The following EPHB2 variants were observed in gnomAD, a reference collection of about 807,000 sequenced individuals.
The protein encoded by EPHB2 is ephrin type-B receptor 2.
Under a neutral mutation model 96.4 loss-of-function variants are expected in EPHB2, and 18 were observed. The observed-to-expected ratio is 0.19, with a 90% CI of 0.13 to 0.28. The LOEUF (loss-of-function observed/expected upper bound fraction) is 0.28, where lower values mean the gene tolerates loss of function less well. Among genes scored for constraint, EPHB2 ranks in the 10% least tolerant of loss-of-function variants. The probability of loss-of-function intolerance (pLI) is 1.00; values close to 1 mark genes in which losing one functional copy is unlikely to be tolerated. For missense variants in EPHB2, 989 were observed against 1,355.4 expected, an observed-to-expected ratio of 0.73 and a Z score of 4.25; for synonymous variants, 506 against 534.1, an observed-to-expected ratio of 0.95 and a Z score of 0.72.
chr1:22,883,975 C>G (rs192792025), intron 6 of EPHB2, among the ~76,000 whole-genome samples: 2 of 151,884 alleles, frequency 1.3e-5, no homozygotes, highest in Admixed American at 6.6e-5. Flanking sequence ...GCCGTCCCCC[C>G]ACCCACCCAC....
chr1:22,864,297 C>T (rs1245141690), intron 4 of EPHB2, among the ~76,000 whole-genome samples: 2 of 152,162 alleles, frequency 1.3e-5, no homozygotes, highest in South Asian at 2.1e-4. Context: ...CCGCCTGCCT[C>T]GGCCTCCCAA....
intron 5 of EPHB2, among the ~76,000 whole-genome samples, chr1:22,880,810 C>T (rs746632583): frequency 6.6e-6 from 1 of 152,238 alleles, no homozygotes; most frequent in Non-Finnish European, 1.5e-5. Context: ...AGAGGTGATG[C>T]TTTCTGGAGG....
intron 1 of EPHB2, among the ~76,000 whole-genome samples, chr1:22,746,753 A>C (rs1375227241): frequency 1.3e-5 from 2 of 152,158 alleles, no homozygotes; most frequent in Non-Finnish European, 2.9e-5. Context: ...TCAGGTCACA[A>C]AGGTGTGAAG....
chr1:22,822,083 C>T (rs1234623770), intron 3 of EPHB2, among the ~76,000 whole-genome samples: 1 of 152,188 alleles, frequency 6.6e-6, no homozygotes, highest in African/African-American at 2.4e-5. Context: ...GTAAGTATCT[C>T]CTTATTGCTA....
At chr1:22,785,123 G>T in intron 3 of EPHB2, 47 bp downstream of exon 3, 1 of 1,608,778 alleles carries the variant, frequency 6.2e-7, no homozygotes, top group Non-Finnish European at 8.5e-7. Context: ...CATAGAACTG[G>T]TCTTGGCTGC....
At chr1:22,759,266 T>A (rs926037818) in intron 1 of EPHB2, among the ~76,000 whole-genome samples, 5 of 152,116 alleles carry the variant, frequency 3.3e-5, no homozygotes, top group Non-Finnish European at 5.9e-5. Context: ...ACCCTAGTTA[T>A]CTCATCTGTA....
intron 5 of EPHB2, among the ~76,000 whole-genome samples, chr1:22,870,312 T>C (rs1434861227): frequency 6.6e-6 from 1 of 152,100 alleles, no homozygotes; most frequent in Non-Finnish European, 1.5e-5. Flanking sequence ...GTCGTGCTCA[T>C]GGCCCCGAGG....
Position 22,858,467 on chromosome 1 carries a change from C to A in EPHB2, c.812-4570C>A, listed in dbSNP as rs1293879831. Among the ~76,000 whole-genome samples the A allele has an allele frequency of 6.6e-6, 1 of 152,186 alleles. No homozygotes were observed. Among genetic ancestry groups the A allele is most frequent in the Non-Finnish European group, 1.5e-5 (1 of 68,028 alleles). On this transcript the variant is annotated intron_variant, in intron 3 of 15. Transcript: ENST00000374630. This position sits in a 1 kb window ranked among gnomAD's most constrained non-coding sequence, Gnocchi z 7.7. Reference sequence around the variant, plus strand: ...TGGCTCTCTCTGTCATTATTCCATGCAGGGATCATCAGCCCCCTTTCCAGA... The same window carrying A: ...TGGCTCTCTCTGTCATTATTCCATGAAGGGATCATCAGCCCCCTTTCCAGA...
At chr1:22,863,248 A>C (rs1453279359) in intron 4 of EPHB2, 56 bp downstream of exon 4, 15 of 1,612,122 alleles carry the variant, frequency 9.3e-6, no homozygotes, top group Non-Finnish European at 1.3e-5. Flanking sequence ...GTCTACCTGC[A>C]GAAAAGCTCA....
chr1:22,732,728 G>A (rs746730166), intron 1 of EPHB2, among the ~76,000 whole-genome samples: 3 of 152,156 alleles, frequency 2.0e-5, no homozygotes, highest in Non-Finnish European at 4.4e-5. Context: ...GACACTGTGC[G>A]GCTCTGCAGC....
rs1318790813 is a variant in EPHB2, at chr1:22,814,440, A to G, written c.811+29364A>G. Among the ~76,000 whole-genome samples the G allele has an allele frequency of 5.9e-5, 9 of 152,100 alleles. No homozygotes were observed. The East Asian group carries it at 1.5e-3, about 26-fold the overall frequency. On this transcript the variant is annotated intron_variant, in intron 3 of 15. Coordinates refer to ENST00000374630, the MANE Select transcript of EPHB2 (RefSeq NM_017449.5). ...AACACTGCCTGGAGGAGGTGGGCTT[A>G]TATACCTATGCAGGGTGATGCTGGA...
At chr1:22,713,718 C>T (rs1643219661) in intron 1 of EPHB2, among the ~76,000 whole-genome samples, 1 of 152,180 alleles carries the variant, frequency 6.6e-6, no homozygotes, top group African/African-American at 2.4e-5. Context: ...ACATGGCTAC[C>T]ACTTCCTTCC....
At chr1:22,843,196 A>G (rs1216068230) in intron 3 of EPHB2, among the ~76,000 whole-genome samples, 1 of 152,178 alleles carries the variant, frequency 6.6e-6, no homozygotes, top group African/African-American at 2.4e-5. Flanking sequence ...TCCTCACAGT[A>G]TAAAACCTTG....
chr1:22,775,183 C>T (rs778413185), intron 1 of EPHB2: 9 of 779,760 alleles, frequency 1.2e-5, no homozygotes, highest in Non-Finnish European at 1.7e-5. Flanking sequence ...AAAAATAACA[C>T]AGTTGTGAAA....
intron 5 of EPHB2, 104 bp from the exon 6 acceptor site, chr1:22,882,255 C>G: frequency 1.9e-6 from 3 of 1,570,976 alleles, no homozygotes; most frequent in Non-Finnish European, 2.6e-6. Flanking sequence ...GCCCTTCCCT[C>G]TCTGATCCCA....
intron 3 of EPHB2, among the ~76,000 whole-genome samples, chr1:22,798,969 G>T (rs775745614): frequency 2.0e-5 from 3 of 152,144 alleles, no homozygotes; most frequent in Non-Finnish European, 4.4e-5. Flanking sequence ...GGGGGACATG[G>T]TAATGGATGA....
intron 1 of EPHB2, among the ~76,000 whole-genome samples, chr1:22,781,214 G>A (rs1165269031): frequency 6.6e-6 from 1 of 151,934 alleles, no homozygotes; most frequent in Admixed American, 6.6e-5. Flanking sequence ...CAGCTACTCG[G>A]GAGGCTGAGG....
chr1:22,818,917 G>C (rs1645111140), intron 3 of EPHB2, among the ~76,000 whole-genome samples: 1 of 152,084 alleles, frequency 6.6e-6, no homozygotes, highest in Non-Finnish European at 1.5e-5. Flanking sequence ...ACTACACAGA[G>C]TCCCCGCCCC....
chr1:22,802,854 G>A (rs1644865352), intron 3 of EPHB2, among the ~76,000 whole-genome samples: 1 of 152,192 alleles, frequency 6.6e-6, no homozygotes, highest in Non-Finnish European at 1.5e-5. Context: ...GCCTTGTGCT[G>A]GGCCAGAACA....
Sources: allele counts gnomAD v4.1 joint callset (sites outside exome capture counted in the v4.1 genomes callset), GRCh38; gene constraint gnomAD v4.1.1; non-coding constraint Gnocchi (gnomAD v3.1); transcripts MANE v1.5; gene names NCBI Gene and HGNC (gene_info 2026-07-23, HGNC 2026-07-21).